The following MGRN1 variants were observed in gnomAD, a reference collection of about 807,000 sequenced individuals.
The protein encoded by MGRN1 is mahogunin ring finger 1.
In MGRN1, 29 loss-of-function variants were observed where a neutral mutation model predicts 69.2. The ratio of observed to expected loss-of-function variants is 0.42; its 90% CI spans 0.31 to 0.57. The LOEUF (loss-of-function observed/expected upper bound fraction) is 0.57, where lower values mean the gene tolerates loss of function less well. Ranked by LOEUF, MGRN1 falls within the 20% of genes least tolerant of loss-of-function variation. MGRN1 has a pLI of 0.15. For synonymous variants in MGRN1, 470 were observed against 344.2 expected, an observed-to-expected ratio of 1.37 and a Z score of -4.04; for missense variants, 998 against 796.2, an observed-to-expected ratio of 1.25 and a Z score of -3.05.
intron 16 of MGRN1, among the ~76,000 whole-genome samples, chr16:4,685,861 A>G (rs1274936049): frequency 1.3e-5 from 2 of 152,126 alleles, no homozygotes; most frequent in African/African-American, 2.4e-5. Flanking sequence ...GTCCCTGTAG[A>G]TGGGAGGGCC....
chr16:4,625,362 C>T (rs1276460008), intron 1 of MGRN1, among the ~76,000 whole-genome samples: 1 of 152,228 alleles, frequency 6.6e-6, no homozygotes, highest in South Asian at 2.1e-4. Flanking sequence ...GAGGGCGGGG[C>T]GGGGTGCTGA....
chr16:4,652,717 C>T lies in MGRN1; in HGVS notation c.336C>T (p.Asp112=). 6.2e-7 allele frequency: 1 copy of T among 1,613,178 alleles called. No homozygotes were observed. The highest frequency in any genetic ancestry group is 1.1e-5 in the South Asian group (1 of 90,960). ...DDADSPTEDG[D]KPRVLYSLEF... is the part of the protein sequence containing the mutation. The stretch of plus-strand genomic sequence containing the variant: ...CCGACAGCCCCACCGAGGACGGCGA[C>T]AAGCCCCGGGTGCTCTACAGCCTGG... Residue 112 remains aspartate, a synonymous_variant, in exon 4 of 17, where the codon GAC becomes GAT. Coordinates refer to ENST00000262370, the MANE Select transcript of MGRN1 (RefSeq NM_015246.4).
intron 1 of MGRN1, among the ~76,000 whole-genome samples, chr16:4,647,017 C>G (rs1275153239): frequency 1.3e-5 from 2 of 152,186 alleles, no homozygotes; most frequent in African/African-American, 2.4e-5. Flanking sequence ...TGGGGAGAGC[C>G]TGGAAGGGTG....
Position 4,683,210 on chromosome 16 carries a change from C to T in MGRN1, c.1483-14C>T, listed in dbSNP as rs1304669924. The T allele has an allele frequency of 6.2e-6, 10 of 1,613,482 alleles. No individual in the cohort carries two copies. Among genetic ancestry groups the T allele is most frequent in the Non-Finnish European group, 7.6e-6 (9 of 1,179,906 alleles). ...CTCTCTGAGCTCTAGGCTACTTTCC[C>T]CTTTGTTTCCTAGAGTTTCATAACA... On this transcript the variant is annotated splice_polypyrimidine_tract_variant and intron_variant, in intron 14 of 16. Transcript: ENST00000262370.
chr16:4,636,933 C>A (rs895382564), intron 1 of MGRN1, among the ~76,000 whole-genome samples: 4 of 151,078 alleles, frequency 2.6e-5, no homozygotes, highest in African/African-American at 9.8e-5. Context: ...TCCTGGCTAA[C>A]ATGGTAAAAC....
At chr16:4,636,010 C>T (rs919455133) in intron 1 of MGRN1, among the ~76,000 whole-genome samples, 4 of 150,988 alleles carry the variant, frequency 2.6e-5, no homozygotes, top group African/African-American at 4.9e-5. Flanking sequence ...CCATGTTGGT[C>T]AGGCTGGTCT....
In MGRN1 at chr16:4,638,238, G is replaced by A. The variant is rs143250927; in HGVS notation, c.89-12127G>A. Among the ~76,000 whole-genome samples the A allele has an allele frequency of 7.3e-4, 111 of 152,166 alleles. 4 individuals are homozygous for A. The East Asian group carries it at 0.02, about 27-fold the overall frequency. On this transcript the variant is annotated intron_variant, in intron 1 of 16. Coordinates refer to ENST00000262370, the MANE Select transcript of MGRN1 (RefSeq NM_015246.4). ...TCCCAGCACTTTGGGAGGCCGAGGC[G>A]GGTGGATTACGAGGTCAGGAGTTTG...
intron 5 of MGRN1, among the ~76,000 whole-genome samples, chr16:4,662,029 G>A (rs1424420249): frequency 6.6e-6 from 1 of 152,170 alleles, no homozygotes; most frequent in Non-Finnish European, 1.5e-5. Flanking sequence ...CCTTTGCCGT[G>A]TGTCCATGTC....
At chr16:4,653,585 T>C (rs2078456522) in intron 4 of MGRN1, among the ~76,000 whole-genome samples, 1 of 152,052 alleles carries the variant, frequency 6.6e-6, no homozygotes, top group African/African-American at 2.4e-5. Flanking sequence ...GCCTCCCGAG[T>C]TGAAGCAATT....
chr16:4,647,446 C>T (rs1046702317), intron 1 of MGRN1, among the ~76,000 whole-genome samples: 3 of 152,246 alleles, frequency 2.0e-5, no homozygotes, highest in African/African-American at 7.2e-5. Context: ...CCTGGGCTCA[C>T]TGTACTGCAG....
At chr16:4,635,969 T>G (rs4786530) in intron 1 of MGRN1, among the ~76,000 whole-genome samples, 1 of 77,636 alleles carries the variant, frequency 1.3e-5, no homozygotes, top group Non-Finnish European at 2.4e-5. Flanking sequence ...GTATTTTCTG[T>G]TTTTTTTTTT....
At chr16:4,682,346 T>A (rs996552615) in intron 13 of MGRN1, among the ~76,000 whole-genome samples, 3 of 152,256 alleles carry the variant, frequency 2.0e-5, no homozygotes, top group Non-Finnish European at 4.4e-5. Context: ...GTGGTTCCCC[T>A]GGAGCCTTGC....
At chr16:4,641,387 C>G (rs574666810) in intron 1 of MGRN1, among the ~76,000 whole-genome samples, 6 of 146,700 alleles carry the variant, frequency 4.1e-5, no homozygotes, top group East Asian at 3.9e-4. Flanking sequence ...GTTGCTTGGG[C>G]TGGAGTGCAG....
At chr16:4,642,465 T>TG (rs2078180804) in intron 1 of MGRN1, among the ~76,000 whole-genome samples, 4 of 145,530 alleles carry the variant, frequency 2.7e-5, no homozygotes, top group African/African-American at 7.9e-5. Flanking sequence ...GGCCAGCTAA[T>TG]TTGTGTGTGT....
At chr16:4,667,331 C>T (rs1317347713) in intron 7 of MGRN1, among the ~76,000 whole-genome samples, 1 of 152,196 alleles carries the variant, frequency 6.6e-6, no homozygotes, top group Non-Finnish European at 1.5e-5. Context: ...TGTGGCGAGG[C>T]TGGGTCTGTT....
intron 5 of MGRN1, among the ~76,000 whole-genome samples, chr16:4,659,477 G>A (rs1315409138): frequency 1.3e-5 from 2 of 152,232 alleles, no homozygotes; most frequent in East Asian, 1.9e-4. Context: ...GGTCATTGTG[G>A]CCAGCTTCCT....
At position 4,686,567 on chromosome 16, in the gene MGRN1, AGCCTTGAGGGGCCCTGGAAC is replaced by A. The variant is rs2079324527; in HGVS notation, c.1619-2228_1619-2209del. On this transcript the variant is annotated intron_variant, in intron 16 of 16. Coordinates refer to ENST00000262370, the MANE Select transcript of MGRN1 (RefSeq NM_015246.4). Reference sequence around the variant, plus strand: ...AGGCGGCCGGTCAGGCTCTTCTTCCAGCCTTGAGGGGCCCTGGAACAGTCCCAGCCCAGGCAGGGAGACAG... The same window carrying A: ...AGGCGGCCGGTCAGGCTCTTCTTCCAAGTCCCAGCCCAGGCAGGGAGACAG... The A allele has an allele frequency of 2.3e-6, 3 of 1,319,420 alleles. No individual in the cohort carries two copies. The South Asian group carries it at 6.0e-5, about 27-fold the overall frequency. The allele number at this position is 1,319,420 out of a possible 1,614,324, so 81.7% of individuals were successfully genotyped here. A position where few individuals can be genotyped will look rare whatever the true frequency, so the allele number is the denominator to read the frequency against.
intron 10 of MGRN1, among the ~76,000 whole-genome samples, chr16:4,675,536 C>G (rs1048454783): frequency 6.6e-6 from 1 of 151,992 alleles, no homozygotes; most frequent in African/African-American, 2.4e-5. Flanking sequence ...CCCAAGAGTT[C>G]GAGACTAGCC....
At chr16:4,660,385 A>G (rs576035705) in intron 5 of MGRN1, among the ~76,000 whole-genome samples, 1 of 152,288 alleles carries the variant, frequency 6.6e-6, no homozygotes, top group South Asian at 2.1e-4. Flanking sequence ...GGGGAGTGGG[A>G]GAGAAGGCTA....
Sources: allele counts gnomAD v4.1 joint callset (sites outside exome capture counted in the v4.1 genomes callset), GRCh38; gene constraint gnomAD v4.1.1; transcripts MANE v1.5; gene names NCBI Gene and HGNC (gene_info 2026-07-23, HGNC 2026-07-21).